The following TENM4 variants were observed in gnomAD, a reference collection of about 807,000 sequenced individuals.
The protein encoded by TENM4 is teneurin-4.
In TENM4, 82 loss-of-function variants were observed where a neutral mutation model predicts 243.3. That is an observed-to-expected ratio of 0.34 (90% CI 0.28 to 0.40). The LOEUF (loss-of-function observed/expected upper bound fraction) is 0.40, where lower values mean the gene tolerates loss of function less well. Among genes scored for constraint, TENM4 ranks in the 10% least tolerant of loss-of-function variants. The pLI is 1.00. For missense variants in TENM4, 3,138 were observed against 3,673.3 expected, an observed-to-expected ratio of 0.85 and a Z score of 3.77; for synonymous variants, 1,412 against 1,456.3, an observed-to-expected ratio of 0.97 and a Z score of 0.69.
chr11:78,746,018 T>C (rs917829534), intron 19 of TENM4, among the ~76,000 whole-genome samples: 2 of 152,156 alleles, frequency 1.3e-5, no homozygotes, highest in African/African-American at 4.8e-5. Flanking sequence ...AGTGGCATGA[T>C]CTTGGCTCAC....
chr11:79,011,333 G>A (rs1354054942), intron 6 of TENM4, among the ~76,000 whole-genome samples: 1 of 152,174 alleles, frequency 6.6e-6, no homozygotes, highest in African/African-American at 2.4e-5. Context: ...TCACAGCAGG[G>A]ACTGTGTCCT....
Position 78,971,630 on chromosome 11 carries a change from TTAG to T in TENM4, c.494-68110_494-68108del, listed in dbSNP as rs762596818. Among the ~76,000 whole-genome samples, 62 of 152,150 alleles carry T rather than the reference TTAG, an allele frequency of 4.1e-4. 2 individuals carry two copies. Among genetic ancestry groups the T allele is most frequent in the Non-Finnish European group, 4.4e-4 (30 of 68,036 alleles). ...AAATAAGATTTTTTATACATTAATA[TTAG>T]TAGTATAATTTAGTATAAACTGATT... On this transcript the variant is annotated intron_variant, in intron 6 of 33. Transcript: ENST00000278550.
chr11:78,967,010 T>TG (rs1194900805), intron 6 of TENM4, among the ~76,000 whole-genome samples: 2 of 152,274 alleles, frequency 1.3e-5, no homozygotes, highest in Non-Finnish European at 2.9e-5. Context: ...TCCTCCTCCC[T>TG]GGGGCACTTC....
At chr11:79,393,793 G>T (rs1411675283) in intron 1 of TENM4, among the ~76,000 whole-genome samples, 1 of 152,210 alleles carries the variant, frequency 6.6e-6, no homozygotes, top group Non-Finnish European at 1.5e-5. Flanking sequence ...GCTGCCAGAG[G>T]ATGCAGTGCG....
intron 32 of TENM4, among the ~76,000 whole-genome samples, chr11:78,665,333 A>C (rs550961922): frequency 2.0e-5 from 3 of 147,144 alleles, no homozygotes; most frequent in Non-Finnish European, 4.5e-5. Flanking sequence ...GTGCAGTGGC[A>C]TGATCTTGAC....
intron 18 of TENM4, among the ~76,000 whole-genome samples, chr11:78,758,268 T>G (rs948395): frequency 0.72 from 109,367 of 152,138 alleles, 42,307 homozygotes; most frequent in Non-Finnish European, 0.88. Flanking sequence ...CAGCACTTAG[T>G]GGAAGTGCTT....
intron 3 of TENM4, among the ~76,000 whole-genome samples, chr11:79,150,075 AT>A (rs2135054812): frequency 6.6e-6 from 1 of 152,234 alleles, no homozygotes; most frequent in East Asian, 1.9e-4. Flanking sequence ...TCAGTCCTCA[AT>A]GCCAGAACCC....
chr11:79,361,086 A>G (rs781605544), intron 1 of TENM4, among the ~76,000 whole-genome samples: 1 of 152,214 alleles, frequency 6.6e-6, no homozygotes, highest in Non-Finnish European at 1.5e-5. Context: ...TGTCAGGTCC[A>G]GATGATATTT....
At chr11:78,996,527 T>C (rs575935657) in intron 6 of TENM4, among the ~76,000 whole-genome samples, 1 of 151,988 alleles carries the variant, frequency 6.6e-6, no homozygotes, top group Non-Finnish European at 1.5e-5. Flanking sequence ...AAATAACACA[T>C]GGTTGTTATT....
chr11:78,700,657 TA>T (rs1321384680), intron 28 of TENM4, among the ~76,000 whole-genome samples: 2 of 152,224 alleles, frequency 1.3e-5, no homozygotes, highest in African/African-American at 4.8e-5. Context: ...AGGATTATAA[TA>T]AGCTGAACTT....
intron 3 of TENM4, among the ~76,000 whole-genome samples, chr11:79,202,716 A>C (rs1863767908): frequency 6.6e-6 from 1 of 152,146 alleles, no homozygotes; most frequent in Admixed American, 6.5e-5. Flanking sequence ...TGAGTGCTGG[A>C]CATTCATGAA....
intron 1 of TENM4, among the ~76,000 whole-genome samples, chr11:79,349,791 C>T (rs1857385172): frequency 2.0e-5 from 3 of 152,134 alleles, no homozygotes; most frequent in Admixed American, 2.0e-4. Context: ...ATTAATATTG[C>T]TGAATAAATA....
intron 4 of TENM4, among the ~76,000 whole-genome samples, chr11:79,147,517 A>C (rs1027224198): frequency 1.3e-5 from 2 of 152,196 alleles, no homozygotes; most frequent in Admixed American, 1.3e-4. Context: ...TTATGTTTGC[A>C]TGAGAGTTTA....
chr11:78,799,851 A>C (rs1295813428), intron 15 of TENM4, among the ~76,000 whole-genome samples: 1 of 152,234 alleles, frequency 6.6e-6, no homozygotes, highest in African/African-American at 2.4e-5. Flanking sequence ...TAAGGAATAA[A>C]ATATAGGGAG....
intron 6 of TENM4, among the ~76,000 whole-genome samples, chr11:79,000,371 A>G (rs1319779128): frequency 6.6e-6 from 1 of 152,198 alleles, no homozygotes; most frequent in Non-Finnish European, 1.5e-5. Flanking sequence ...AAATTTTCTC[A>G]TTTCTTCTCT....
chr11:78,781,787 G>A (rs1023559926), intron 16 of TENM4, among the ~76,000 whole-genome samples: 1 of 152,132 alleles, frequency 6.6e-6, no homozygotes, highest in Admixed American at 6.5e-5. Context: ...TCGGATGGGT[G>A]ACAAACCACC....
At chr11:79,292,438 G>A (rs988360776) in intron 2 of TENM4, among the ~76,000 whole-genome samples, 1 of 152,200 alleles carries the variant, frequency 6.6e-6, no homozygotes, top group Non-Finnish European at 1.5e-5. Context: ...TTGTTCCCCA[G>A]GAAGTCACCC....
intron 9 of TENM4, among the ~76,000 whole-genome samples, chr11:78,865,486 A>G (rs1858947545): frequency 6.6e-6 from 1 of 152,152 alleles, no homozygotes. Context: ...ACAGCCTCCA[A>G]GGCTTTTAAG....
intron 22 of TENM4, among the ~76,000 whole-genome samples, chr11:78,729,003 T>A (rs1397179282): frequency 1.4e-5 from 2 of 146,344 alleles, no homozygotes; most frequent in Non-Finnish European, 3.0e-5. Flanking sequence ...AAAAAAAAAA[T>A]GAAAGAAACC....
Sources: allele counts gnomAD v4.1 joint callset (sites outside exome capture counted in the v4.1 genomes callset), GRCh38; gene constraint gnomAD v4.1.1; transcripts MANE v1.5; gene names NCBI Gene and HGNC (gene_info 2026-07-23, HGNC 2026-07-21).